The following OXNAD1 variants were observed in gnomAD, a reference collection of about 807,000 sequenced individuals.
OXNAD1 encodes oxidoreductase NAD-binding domain-containing protein 1.
OXNAD1 carries 34 observed loss-of-function variants against 32.9 expected under a neutral mutation model. The ratio of observed to expected loss-of-function variants is 1.03; its 90% CI spans 0.79 to 1.38. The LOEUF is 1.38. OXNAD1 is among the 40% of genes most tolerant of loss of function. The pLI is 0.00. For missense variants in OXNAD1, 407 were observed against 379.4 expected (o/e 1.07, Z -0.60); for synonymous variants, 134 against 135.2 (o/e 0.99, Z 0.06).
rs764566338 is a variant in OXNAD1, at chr3:16,294,937, A to T, written c.372A>T (p.Arg124Ser). 90 of 1,613,556 alleles carry T rather than the reference A, an allele frequency of 5.6e-5. No homozygotes were observed. The South Asian group carries it at 8.9e-4, about 16-fold the overall frequency. The change falls in exon 6 of 9, where the codon AGA (arginine) becomes AGT (serine). Residue 124 changes from arginine (R) to serine (S), a missense_variant. By Grantham distance (110) the Arg-to-Ser change is moderately radical. Coordinates refer to ENST00000285083, the MANE Select transcript of OXNAD1 (RefSeq NM_138381.5). ...GTCCCAGACTGCTAGAACAAGAGAG[A>T]GTGATAGAATTGGCAGTGAAATATA... ...CSSPRLLEQE[R>S]VIELAVKYTN...
rs2067041753 is a variant in OXNAD1 at position 16,299,701 on chromosome 3, G to A, written c.433-1925G>A. Among the ~76,000 whole-genome samples the A allele has an allele frequency of 6.6e-6, 1 of 152,158 alleles. No homozygotes were observed. The highest frequency in any genetic ancestry group is 1.5e-5 in the Non-Finnish European group (1 of 68,024). On this transcript the variant is annotated intron_variant, in intron 6 of 8. Coordinates refer to ENST00000285083, the MANE Select transcript of OXNAD1 (RefSeq NM_138381.5). This position sits in a 1 kb window ranked among gnomAD's most constrained non-coding sequence, Gnocchi z 4.4. ...GCCAAGGTGTGAATGCTAAGGGTTT[G>A]GTTCTCAAAAAGCACGCGATGTGTT...
intron 1 of OXNAD1, among the ~76,000 whole-genome samples, chr3:16,266,850 C>T (rs754266104): frequency 3.2e-4 from 48 of 152,044 alleles, no homozygotes; most frequent in Non-Finnish European, 6.3e-4. Context: ...AGTGAGGTGG[C>T]GTGGGTAATG....
At chr3:16,318,135 T>G (rs1408205694) in intron 9 of OXNAD1, among the ~76,000 whole-genome samples, 1 of 152,000 alleles carries the variant, frequency 6.6e-6, no homozygotes, top group African/African-American at 2.4e-5. Context: ...AACCAGGGTC[T>G]CATCAAATCT....
chr3:16,306,710 C>G (rs369477192), downstream of OXNAD1, among the ~76,000 whole-genome samples: 1 of 152,332 alleles, frequency 6.6e-6, no homozygotes, highest in East Asian at 1.9e-4. Context: ...GCTTGATCCT[C>G]TCTCCTCTGT....
chr3:16,302,309 G>C lies in OXNAD1; in HGVS notation c.676-331G>C, dbSNP rs952070891. On this transcript the variant is annotated intron_variant, in intron 7 of 8. Coordinates refer to ENST00000285083, the MANE Select transcript of OXNAD1 (RefSeq NM_138381.5). This position sits in a 1 kb window ranked among gnomAD's most constrained non-coding sequence, Gnocchi z 4.2. ...ACTGGGGATTGCTTTGCAGCTGCAG[G>C]AATGAACAAAAGAACAGAAACAGTT... is the stretch of plus-strand genomic sequence containing the variant. Among the ~76,000 whole-genome samples the C allele has an allele frequency of 6.6e-6, 1 of 152,192 alleles. No homozygotes were observed. The highest frequency in any genetic ancestry group is 6.5e-5 in the Admixed American group (1 of 15,276).
chr3:16,298,138 TCTCCGTCAGTGTGGC>T lies in OXNAD1; in HGVS notation c.432+3145_432+3159del, dbSNP rs1356659303. Among the ~76,000 whole-genome samples, 1 of 152,176 alleles carries T rather than the reference TCTCCGTCAGTGTGGC, an allele frequency of 6.6e-6. No homozygotes were observed. The highest frequency in any genetic ancestry group is 1.9e-4 in the East Asian group (1 of 5,198). On this transcript the variant is annotated intron_variant, in intron 6 of 8. Coordinates refer to ENST00000285083, the MANE Select transcript of OXNAD1 (RefSeq NM_138381.5). This position sits in a 1 kb window ranked among gnomAD's most constrained non-coding sequence, Gnocchi z 5.1. ...TTTTTACCCTGCAACCTTCTGAGTC[TCTCCGTCAGTGTGGC>T]CTCAGCTGCCTCATTGCTTTTTGGA...
At position 16,321,593 on chromosome 3, in the gene OXNAD1, C is replaced by CT. The variant is rs751443670; in HGVS notation, c.*31-15518dup. ...CAAGGAGTCTGGCTGTGAAGCCCCC[C>CT]TCTCTGGAGGACTCCCATCTGTGAG... is the stretch of plus-strand genomic sequence containing the variant. On this transcript the variant is annotated intron_variant, in intron 9 of 9. Transcript: ENST00000435829. The surrounding 1 kb of genome is among the most constrained non-coding windows in gnomAD (Gnocchi z 4.8). Among the ~76,000 whole-genome samples the CT allele has an allele frequency of 7.2e-5, 11 of 152,314 alleles. No homozygotes were observed. The highest frequency in any genetic ancestry group is 8.8e-5 in the Non-Finnish European group (6 of 68,016).
At chr3:16,266,757 T>C (rs2064546429) in intron 1 of OXNAD1, among the ~76,000 whole-genome samples, 1 of 151,742 alleles carries the variant, frequency 6.6e-6, no homozygotes, top group Non-Finnish European at 1.5e-5. Flanking sequence ...AGAGAAGGGG[T>C]CAATGTATTA....
At position 16,304,522 on chromosome 3, in the gene OXNAD1, A is replaced by G. The variant is rs959233282; in HGVS notation, c.*960A>G. 6.7e-6 allele frequency: 1 copy of G among 148,512 alleles called. No individual in the cohort carries two copies. Among genetic ancestry groups the G allele is most frequent in the African/African-American group, 2.4e-5 (1 of 41,200 alleles). 9.2% of individuals were successfully genotyped at this position (148,512 alleles called of 1,614,324 possible). A position where few individuals can be genotyped will look rare whatever the true frequency, so the allele number is the denominator to read the frequency against. ...GTCTGAGATTGGGAGGCAGTCCCCT[A>G]GAGTGGATAGAAAGAATGGTGGAGC... On this transcript the variant is annotated 3_prime_UTR_variant, in exon 9 of 9. Coordinates refer to ENST00000285083, the MANE Select transcript of OXNAD1 (RefSeq NM_138381.5). This position sits in a 1 kb window ranked among gnomAD's most constrained non-coding sequence, Gnocchi z 4.6.
intron 2 of OXNAD1, among the ~76,000 whole-genome samples, chr3:16,270,151 A>G (rs913871346): frequency 2.6e-5 from 4 of 152,256 alleles, no homozygotes; most frequent in African/African-American, 7.2e-5. Flanking sequence ...TACCCATGCA[A>G]TCCGCACCCA....
Position 16,317,264 on chromosome 3 carries a change from A to G in OXNAD1, c.*30+13672A>G. On this transcript the variant is annotated intron_variant, in intron 9 of 9. Coordinates refer to the OXNAD1 transcript ENST00000435829. This position sits in a 1 kb window ranked among gnomAD's most constrained non-coding sequence, Gnocchi z 4.3. The stretch of plus-strand genomic sequence containing the variant: ...ATCAGAAAGGATGGGGATAAATAAC[A>G]AGCCTCCGGGAACCCAGAGCTTCAC... 1.2e-6 allele frequency: 2 copies of G among 1,604,700 alleles called. No individual in the cohort carries two copies. The highest frequency in any genetic ancestry group is 8.5e-7 in the Non-Finnish European group (1 of 1,179,104).
chr3:16,323,984 C>G (rs920750222), intron 9 of OXNAD1, among the ~76,000 whole-genome samples: 3 of 152,200 alleles, frequency 2.0e-5, no homozygotes, highest in African/African-American at 7.2e-5. Context: ...TTAACCAGCT[C>G]TGGCTCACAT....
chr3:16,274,636 A>G (rs1051689713), intron 4 of OXNAD1, among the ~76,000 whole-genome samples: 6 of 152,220 alleles, frequency 3.9e-5, no homozygotes, highest in Non-Finnish European at 7.4e-5. Context: ...GAAACAGACT[A>G]TTAGAGATCT....
At position 16,336,924 on chromosome 3, in the gene OXNAD1, C is replaced by T. The variant is rs1483098509; in HGVS notation, c.*31-188C>T. On this transcript the variant is annotated intron_variant, in intron 9 of 9. Coordinates refer to the OXNAD1 transcript ENST00000435829. The surrounding 1 kb of genome is among the most constrained non-coding windows in gnomAD (Gnocchi z 6.0). ...AAGAATGGTGTCTATTATGACTTCC[C>T]TGTGTCCAGGCCACTTTCCAACACA... Among the ~76,000 whole-genome samples the T allele has an allele frequency of 2.0e-5, 3 of 152,176 alleles. No homozygotes were observed. Among genetic ancestry groups the T allele is most frequent in the Non-Finnish European group, 4.4e-5 (3 of 68,026 alleles).
chr3:16,318,365 T>A (rs2068663836), intron 9 of OXNAD1, among the ~76,000 whole-genome samples: 1 of 152,208 alleles, frequency 6.6e-6, no homozygotes, highest in South Asian at 2.1e-4. Flanking sequence ...AAGGGAGCTC[T>A]CAGTTCCTAT....
In OXNAD1 at chr3:16,270,933, C is replaced by T. The variant is rs759635011; in HGVS notation, c.-8-12C>T. The T allele has an allele frequency of 8.1e-6, 13 of 1,613,240 alleles. No homozygotes were observed. Among genetic ancestry groups the T allele is most frequent in the Middle Eastern group, 1.6e-4 (1 of 6,084 alleles). ...AAAAACAATTTGAAATTTCAGTTTT[C>T]TGTTTGCCCAGAAAGCGCCATGGCC... On this transcript the variant is annotated splice_polypyrimidine_tract_variant and intron_variant, in intron 2 of 8. Transcript: ENST00000285083.
rs952934985 is a variant in OXNAD1 at position 16,317,499 on chromosome 3, G to A, written c.*30+13907G>A. ...GGGCAGAGCAGTATTTCTTTTGACT[G>A]GCTCTATACCAAAGGCCCACATAGG... On this transcript the variant is annotated intron_variant, in intron 9 of 9. Coordinates refer to the OXNAD1 transcript ENST00000435829. This position sits in a 1 kb window ranked among gnomAD's most constrained non-coding sequence, Gnocchi z 4.3. Among the ~76,000 whole-genome samples the A allele has an allele frequency of 3.9e-5, 6 of 152,104 alleles. No individual in the cohort carries two copies. Among genetic ancestry groups the A allele is most frequent in the Non-Finnish European group, 7.4e-5 (5 of 68,020 alleles).
rs955215899 is a variant in OXNAD1, at chr3:16,336,713, G to A, written c.*31-399G>A. Among the ~76,000 whole-genome samples, 3 of 151,914 alleles carry A rather than the reference G, an allele frequency of 2.0e-5. No individual in the cohort carries two copies. Among genetic ancestry groups the A allele is most frequent in the African/African-American group, 7.3e-5 (3 of 41,316 alleles). Reference sequence around the variant, plus strand: ...TTCTTAGATGCAGAAAAGGGTCAGAGGAAAATACATGTAGTGCATAAAAAG... The same window carrying A: ...TTCTTAGATGCAGAAAAGGGTCAGAAGAAAATACATGTAGTGCATAAAAAG... On this transcript the variant is annotated intron_variant, in intron 9 of 9. Coordinates refer to the OXNAD1 transcript ENST00000435829. The surrounding 1 kb of genome is among the most constrained non-coding windows in gnomAD (Gnocchi z 6.0).
In OXNAD1 at chr3:16,334,984, C is replaced by T. The variant is rs2070708259; in HGVS notation, c.*31-2128C>T. Among the ~76,000 whole-genome samples the T allele has an allele frequency of 6.6e-6, 1 of 152,160 alleles. No individual in the cohort carries two copies. The highest frequency in any genetic ancestry group is 2.4e-5 in the African/African-American group (1 of 41,426). ...CGAGCCAAGGAACATGGGCAGCTTCCAGAAGCTGGCAATGGTCGGTAACAG... is the reference window on the plus strand; with the variant it reads ...CGAGCCAAGGAACATGGGCAGCTTCTAGAAGCTGGCAATGGTCGGTAACAG... On this transcript the variant is annotated intron_variant, in intron 9 of 9. Transcript: ENST00000435829. This position sits in a 1 kb window ranked among gnomAD's most constrained non-coding sequence, Gnocchi z 4.3.
Sources: gnomAD v4.1 joint callset for allele counts (sites outside exome capture counted in the v4.1 genomes callset) on GRCh38, gnomAD v4.1.1 for gene constraint, Gnocchi (gnomAD v3.1) non-coding constraint, MANE v1.5 for transcripts, NCBI Gene and HGNC (gene_info 2026-07-23, HGNC 2026-07-21) for gene names.